Variants in DNAJC5B observed in about 807,000 individuals in gnomAD.
The protein encoded by DNAJC5B is DnaJ heat shock protein family (Hsp40) member C5 beta, also known as dnaJ homolog subfamily C member 5B.
In DNAJC5B, 23 loss-of-function variants were observed where a neutral mutation model predicts 24.7. The observed-to-expected ratio is 0.93, with a 90% CI of 0.67 to 1.32. The LOEUF (loss-of-function observed/expected upper bound fraction) is 1.32, where lower values mean the gene tolerates loss of function less well. Ranked by LOEUF, DNAJC5B falls within the 40% of genes most tolerant of loss-of-function variation. DNAJC5B has a pLI of 0.00. For synonymous variants in DNAJC5B, 101 were observed against 90.1 expected, an observed-to-expected ratio of 1.12 and a Z score of -0.68; for missense variants, 238 against 240.8, an observed-to-expected ratio of 0.99 and a Z score of 0.08.
chr8:66,085,220 G>T (rs146671616), intron 5 of DNAJC5B, among the ~76,000 whole-genome samples: 2 of 152,112 alleles, frequency 1.3e-5, no homozygotes, highest in Non-Finnish European at 2.9e-5. Flanking sequence ...CTGGTGGATC[G>T]CTTGAGGCCA....
At chr8:66,073,663 T>C (rs1255934213) in intron 3 of DNAJC5B, among the ~76,000 whole-genome samples, 1 of 152,202 alleles carries the variant, frequency 6.6e-6, no homozygotes, top group African/African-American at 2.4e-5. Flanking sequence ...TGTTAGACTG[T>C]TATTGGCCCA....
upstream of DNAJC5B, among the ~76,000 whole-genome samples, chr8:66,017,087 G>A (rs1456222400): frequency 1.3e-5 from 2 of 151,902 alleles, no homozygotes; most frequent in African/African-American, 4.8e-5. Flanking sequence ...GGCAGGCATT[G>A]GTCTTATAGG....
At chr8:66,072,055 G>C (rs970085407) in intron 3 of DNAJC5B, among the ~76,000 whole-genome samples, 1 of 149,930 alleles carries the variant, frequency 6.7e-6, no homozygotes, top group African/African-American at 2.5e-5. Context: ...GTCAGGGGGT[G>C]GGGGGGTAGG....
In DNAJC5B at chr8:66,080,393, T is replaced by A. The variant is rs776361838; in HGVS notation, c.350T>A (p.Val117Asp). ...SWWAKALFVI[V>D]GLLTGCYFCC... ...TTTCCCTAGGCCCTGTTTGTCATCG[T>A]TGGCCTCTTGACGGGCTGCTACTTT... Residue 117 changes from valine (V) to aspartate (D), a missense_variant, in exon 5 of 6, where the codon GTT becomes GAT. Coordinates refer to ENST00000276570, the MANE Select transcript of DNAJC5B (RefSeq NM_033105.6). 1 of 1,613,344 alleles carries A rather than the reference T, an allele frequency of 6.2e-7. No individual in the cohort carries two copies. The highest frequency in any genetic ancestry group is 1.1e-5 in the South Asian group (1 of 91,002).
At position 66,022,231 on chromosome 8, in the gene DNAJC5B, A is replaced by G. The variant is rs148023929; in HGVS notation, c.-142+526A>G. On this transcript the variant is annotated intron_variant, in intron 1 of 5. Transcript: ENST00000276570. ...CCCAGCAACTCCTGCCAGTGAAATC[A>G]TTGCTGGGGATGCGGACAGTTCTGT... 4.6e-3 allele frequency among the ~76,000 whole-genome samples: 697 copies of G among 152,286 alleles called. 10 individuals carry two copies. The highest frequency in any genetic ancestry group is 0.016 in the African/African-American group (660 of 41,546).
In DNAJC5B at chr8:66,049,828, T is replaced by G. The variant is rs559711843; in HGVS notation, c.-17-1703T>G. On this transcript the variant is annotated intron_variant, in intron 2 of 5. Transcript: ENST00000276570. ...AGCACGATGCTCACAAGCATGAAAA[T>G]TATGCTCCTCTGTGCCTTGTTAAAA... Among the ~76,000 whole-genome samples, 5 of 152,328 alleles carry G rather than the reference T, an allele frequency of 3.3e-5. No individual in the cohort carries two copies. In the East Asian group the frequency reaches 9.6e-4, roughly 29 times the overall value.
intron 1 of DNAJC5B, among the ~76,000 whole-genome samples, chr8:66,037,099 G>A (rs1335484472): frequency 6.6e-6 from 1 of 152,174 alleles, no homozygotes; most frequent in African/African-American, 2.4e-5. Flanking sequence ...CTGGCCCTGG[G>A]GGAATGGAGG....
At chr8:66,088,845 G>T (rs1241085618) in intron 5 of DNAJC5B, among the ~76,000 whole-genome samples, 1 of 152,048 alleles carries the variant, frequency 6.6e-6, no homozygotes, top group Non-Finnish European at 1.5e-5. Flanking sequence ...CAGCATTTTG[G>T]TCAAAGCCAT....
chr8:66,029,792 C>G (rs933527324), intron 1 of DNAJC5B, among the ~76,000 whole-genome samples: 2 of 152,108 alleles, frequency 1.3e-5, no homozygotes, highest in Non-Finnish European at 2.9e-5. Context: ...CTATCCATGC[C>G]ACAGTATCAC....
chr8:66,020,277 T>A (rs1806076225), upstream of DNAJC5B, among the ~76,000 whole-genome samples: 1 of 152,242 alleles, frequency 6.6e-6, no homozygotes, highest in Non-Finnish European at 1.5e-5. Flanking sequence ...CTCACCAAGT[T>A]GTGAAGATTA....
chr8:66,094,116 C>T (rs1284417372), intron 5 of DNAJC5B, among the ~76,000 whole-genome samples: 1 of 152,064 alleles, frequency 6.6e-6, no homozygotes, highest in African/African-American at 2.4e-5. Flanking sequence ...AAATCCTCCT[C>T]ACTTGTACTT....
intron 3 of DNAJC5B, among the ~76,000 whole-genome samples, chr8:66,063,676 G>T (rs1051832894): frequency 1.3e-5 from 2 of 152,110 alleles, no homozygotes; most frequent in African/African-American, 4.8e-5. Context: ...CTAGGTGCCA[G>T]AATCATTACG....
In DNAJC5B at chr8:66,062,240, C is replaced by T. The variant is rs377472637; in HGVS notation, c.119+10574C>T. 3.2e-4 allele frequency among the ~76,000 whole-genome samples: 49 copies of T among 152,296 alleles called. 1 individual carries two copies. The highest frequency in any genetic ancestry group is 1.1e-3 in the African/African-American group (47 of 41,558). On this transcript the variant is annotated intron_variant, in intron 3 of 5. Coordinates refer to ENST00000276570, the MANE Select transcript of DNAJC5B (RefSeq NM_033105.6). Reference sequence around the variant, plus strand: ...GATTATAGTCTCAGCTTCTTCAGGACCATTTCTCAAATAATTAGTTTGGTC... The same window carrying T: ...GATTATAGTCTCAGCTTCTTCAGGATCATTTCTCAAATAATTAGTTTGGTC...
chr8:66,093,416 GT>G (rs1311359680), intron 5 of DNAJC5B, among the ~76,000 whole-genome samples: 1 of 152,114 alleles, frequency 6.6e-6, no homozygotes, highest in African/African-American at 2.4e-5. Context: ...TCCCCTGATG[GT>G]AAATGTGTGA....
chr8:66,030,110 C>T (rs1034434807), intron 1 of DNAJC5B, among the ~76,000 whole-genome samples: 1 of 152,144 alleles, frequency 6.6e-6, no homozygotes, highest in Non-Finnish European at 1.5e-5. Flanking sequence ...TGTAATGGAG[C>T]CTGTCTTCCT....
At chr8:66,063,031 A>G (rs1420173582) in intron 3 of DNAJC5B, among the ~76,000 whole-genome samples, 1 of 152,128 alleles carries the variant, frequency 6.6e-6, no homozygotes, top group Non-Finnish European at 1.5e-5. Context: ...CAAACAAAAA[A>G]TCAAAGTGAA....
chr8:66,076,415 T>C (rs982257530), intron 3 of DNAJC5B, among the ~76,000 whole-genome samples: 1 of 152,174 alleles, frequency 6.6e-6, no homozygotes, highest in East Asian at 1.9e-4. Context: ...GACTCAACAG[T>C]CATGCAGATA....
the DNAJC5B span, among the ~76,000 whole-genome samples, chr8:66,016,459 T>C: frequency 6.6e-6 from 1 of 152,186 alleles, no homozygotes; most frequent in African/African-American, 2.4e-5. Flanking sequence ...AGGTGCCTGC[T>C]CCTCCTTTGC....
rs537363956 is a variant in DNAJC5B, at chr8:66,075,947, T to G, written c.120-713T>G. 1.3e-4 allele frequency among the ~76,000 whole-genome samples: 20 copies of G among 152,354 alleles called. No homozygotes were observed. The East Asian group carries it at 1.7e-3, about 13-fold the overall frequency. ...CTTAAGGTGTGTTCCTACATAGACG[T>G]ATGATAGGCACAGTAGGGAGATGAG... On this transcript the variant is annotated intron_variant, in intron 3 of 5. Coordinates refer to ENST00000276570, the MANE Select transcript of DNAJC5B (RefSeq NM_033105.6).
Sources: gnomAD v4.1 joint callset for allele counts (sites outside exome capture counted in the v4.1 genomes callset) on GRCh38, gnomAD v4.1.1 for gene constraint, MANE v1.5 for transcripts, NCBI Gene and HGNC (gene_info 2026-07-23, HGNC 2026-07-21) for gene names.